FAM217B: variants seen among roughly 807,000 people sequenced by gnomAD.
FAM217B encodes protein FAM217B.
For synonymous variants in FAM217B, 163 were observed against 173.0 expected (o/e 0.94, Z 0.45); for missense variants, 463 against 456.9 (o/e 1.01, Z -0.12).
Position 59,947,837 on chromosome 20 carries a change from A to G in FAM217B, c.*2742A>G, listed in dbSNP as rs1307699917. On this transcript the variant is annotated 3_prime_UTR_variant, in exon 4 of 4. Coordinates refer to ENST00000360816, the MANE Select transcript of FAM217B (RefSeq NM_022106.3). ...CATCTTAATGCATTAAATGCTGCAG[A>G]TAAGAATCTTGCTATTTTTCAAGTA... 1.2e-5 allele frequency: 2 copies of G among 167,072 alleles called. No individual in the cohort carries two copies. Among genetic ancestry groups the G allele is most frequent in the African/African-American group, 2.4e-5 (1 of 41,472 alleles). The allele number at this position is 167,072 out of a possible 1,614,324, so 10.3% of individuals were successfully genotyped here.
chr20:59,943,926 T>C lies in FAM217B; in HGVS notation c.-4-14T>C. On this transcript the variant is annotated splice_polypyrimidine_tract_variant and intron_variant, in intron 3 of 3. Transcript: ENST00000360816. ...GTCATATGTGGTAAGAATTGCAGTT[T>C]TATTTTCTCACAGCAATATGAATGC... The C allele has an allele frequency of 6.4e-7, 1 of 1,560,338 alleles. No individual in the cohort carries two copies. The highest frequency in any genetic ancestry group is 8.7e-7 in the Non-Finnish European group (1 of 1,155,682).
upstream of FAM217B, chr20:59,938,715 CTTGGGCCT>C (rs537818398): frequency 3.8e-5 from 10 of 262,972 alleles, no homozygotes; most frequent in Non-Finnish European, 6.4e-5. Context: ...AGCAGGAGGA[CTTGGGCCT>C]TTGCAAAACA....
chr20:59,940,182 C>T (rs921538543), upstream of FAM217B: 1 of 378,950 alleles, frequency 2.6e-6, no homozygotes, highest in East Asian at 4.0e-5. Flanking sequence ...CTTTCAGAGG[C>T]CTCCCGGGAG....
Position 59,945,225 on chromosome 20 carries a change from TC to T in FAM217B, c.*132del. On this transcript the variant is annotated 3_prime_UTR_variant, in exon 4 of 4. Coordinates refer to ENST00000360816, the MANE Select transcript of FAM217B (RefSeq NM_022106.3). ...TTTAAGTAGTTGACTGGCATTTTTG[TC>T]CACCTTTATTTCTACCCTGAGTGGG... The T allele has an allele frequency of 1.3e-6, 1 of 793,518 alleles. No homozygotes were observed. Among genetic ancestry groups the T allele is most frequent in the South Asian group, 2.0e-5 (1 of 49,104 alleles). The allele number at this position is 793,518 out of a possible 1,614,324, so 49.2% of individuals were successfully genotyped here. A position where few individuals can be genotyped will look rare whatever the true frequency, so the allele number is the denominator to read the frequency against.
At chr20:59,940,220 T>G (rs2060892774), upstream of FAM217B, 1 of 299,214 alleles carries the variant, frequency 3.3e-6, no homozygotes, top group Non-Finnish European at 6.5e-6. Flanking sequence ...TTTTTCTTCT[T>G]GCTTCCTTGG....
In FAM217B at chr20:59,945,026, T is replaced by C. The variant is rs778396942; in HGVS notation, c.1083T>C (p.His361=). 9.3e-6 allele frequency: 15 copies of C among 1,612,982 alleles called. No individual in the cohort carries two copies. The highest frequency in any genetic ancestry group is 1.3e-5 in the Non-Finnish European group (15 of 1,179,692). Reference sequence around the variant, plus strand: ...AGGGAAAGGCAGAGAGCTGTGGTCATGCCACTGTATCGAGTGAGAAAAAAC... The same window carrying C: ...AGGGAAAGGCAGAGAGCTGTGGTCACGCCACTGTATCGAGTGAGAAAAAAC... ...RKKGKAESCG[H]ATVSSEKKLK... The change falls in exon 4 of 4, where the codon CAT becomes CAC. Residue 361 remains histidine, a synonymous_variant. Coordinates refer to ENST00000360816, the MANE Select transcript of FAM217B (RefSeq NM_022106.3).
Position 59,944,461 on chromosome 20 carries a change from G to A in FAM217B, c.518G>A (p.Arg173Gln), listed in dbSNP as rs763687553. Residue 173 changes from arginine (R) to glutamine (Q), a missense_variant, in exon 4 of 4, where the codon CGA (arginine) becomes CAA (glutamine). Coordinates refer to ENST00000360816, the MANE Select transcript of FAM217B (RefSeq NM_022106.3). ...GAGAACAAAACGGAAGCCGTGCCCC[G>A]AGTGGGAGGACTTCTTGGGAAGTAT... is the stretch of plus-strand genomic sequence containing the variant. ...NAENKTEAVP[R>Q]VGGLLGKYID... The A allele has an allele frequency of 2.2e-5, 36 of 1,613,796 alleles. No individual in the cohort carries two copies. The Admixed American group carries it at 2.3e-4, about 10-fold the overall frequency.
At chr20:59,939,323 C>T, upstream of FAM217B, 3 of 1,611,938 alleles carry the variant, frequency 1.9e-6, no homozygotes, top group Non-Finnish European at 2.5e-6. Flanking sequence ...GCACAGCCAC[C>T]TGCTTCTCGA....
chr20:59,935,348 C>T (rs1305856375), intron 1 of FAM217B, among the ~76,000 whole-genome samples: 2 of 151,680 alleles, frequency 1.3e-5, no homozygotes, highest in African/African-American at 2.4e-5. Flanking sequence ...AGGAAGCCTG[C>T]GGATTATTTA....
rs768884149 is a variant in FAM217B, at chr20:59,945,050, A to T, written c.1107A>T (p.Lys369Asn). The change falls in exon 4 of 4, where the codon AAA (lysine) becomes AAT (asparagine). Residue 369 changes from lysine (K) to asparagine (N), a missense_variant. Physicochemically the swap from Lys to Asn is moderately conservative, Grantham distance 94. Transcript: ENST00000360816. The stretch of plus-strand genomic sequence containing the variant: ...ATGCCACTGTATCGAGTGAGAAAAA[A>T]CTGAAAACAAACGGAGTAAAGCAAA... ...CGHATVSSEK[K>N]LKTNGVKQNT... The T allele has an allele frequency of 1.2e-6, 2 of 1,603,604 alleles. No individual in the cohort carries two copies. Among genetic ancestry groups the T allele is most frequent in the Non-Finnish European group, 1.7e-6 (2 of 1,177,268 alleles).
At chr20:59,939,670 C>A, upstream of FAM217B, 1 of 1,462,798 alleles carries the variant, frequency 6.8e-7, no homozygotes, top group Non-Finnish European at 9.0e-7. Flanking sequence ...GCGCCCGGCG[C>A]GCCCGCGGCC....
At position 59,945,370 on chromosome 20, in the gene FAM217B, G is replaced by A; in HGVS notation, c.*275G>A. On this transcript the variant is annotated 3_prime_UTR_variant, in exon 4 of 4. Transcript: ENST00000360816. ...TATGTGCCATATAAAGGAATAAAATGGCACCTCTCCAGGGAAAGTGTCAGT... is the reference window on the plus strand; with the variant it reads ...TATGTGCCATATAAAGGAATAAAATAGCACCTCTCCAGGGAAAGTGTCAGT... The A allele has an allele frequency of 3.3e-6, 1 of 302,594 alleles. No individual in the cohort carries two copies. The highest frequency in any genetic ancestry group is 2.2e-5 in the African/African-American group (1 of 44,968). 18.7% of individuals were successfully genotyped at this position (302,594 alleles called of 1,614,324 possible). A position where few individuals can be genotyped will look rare whatever the true frequency, so the allele number is the denominator to read the frequency against.
At chr20:59,938,946 A>T (rs2060878232), upstream of FAM217B, 1 of 1,330,616 alleles carries the variant, frequency 7.5e-7, no homozygotes, top group Non-Finnish European at 9.9e-7. Context: ...GTGAAGAACA[A>T]CCAGATAGAT....
upstream of FAM217B, chr20:59,940,212 TTTC>T (rs554088216): frequency 6.3e-4 from 204 of 322,918 alleles, 1 homozygote; most frequent in African/African-American, 4.0e-3. Context: ...GCGCCTCTTT[TTTC>T]TTCTTGCTTC....
rs754565985 is a variant in FAM217B at position 59,944,309 on chromosome 20, T to C, written c.366T>C (p.Ile122=). Reference sequence around the variant, plus strand: ...ATCTCAATCTTCGAGCTGAAGAAATTGATCCAGTTTACTTTGATCTTCACC... The same window carrying C: ...ATCTCAATCTTCGAGCTGAAGAAATCGATCCAGTTTACTTTGATCTTCACC... The part of the protein sequence containing the change: ...PPDLNLRAEE[I]DPVYFDLHPG... Residue 122 remains isoleucine, a synonymous_variant, in exon 4 of 4, where the codon ATT becomes ATC. Coordinates refer to ENST00000360816, the MANE Select transcript of FAM217B (RefSeq NM_022106.3). The C allele has an allele frequency of 4.3e-6, 7 of 1,613,986 alleles. No individual in the cohort carries two copies. In the South Asian group the frequency reaches 7.7e-5, roughly 18 times the overall value.
At chr20:59,939,441 T>A, upstream of FAM217B, 1 of 1,611,568 alleles carries the variant, frequency 6.2e-7, no homozygotes, top group Non-Finnish European at 8.5e-7. Context: ...GTCGGCGGCC[T>A]CGACGGGCGG....
intron 1 of FAM217B, among the ~76,000 whole-genome samples, chr20:59,935,167 A>C (rs564266648): frequency 6.6e-6 from 1 of 152,338 alleles, no homozygotes; most frequent in East Asian, 1.9e-4. Context: ...AATTTTGCAT[A>C]ATTATTTTCA....
rs935077463 is a variant in FAM217B at position 59,947,540 on chromosome 20, C to T, written c.*2445C>T. On this transcript the variant is annotated 3_prime_UTR_variant, in exon 4 of 4. Transcript: ENST00000360816. ...GAAAAAGAAAGAAATTGAGAAGTAACGCCTCATAATATTTGTTCCCAGCTT... is the reference window on the plus strand; with the variant it reads ...GAAAAAGAAAGAAATTGAGAAGTAATGCCTCATAATATTTGTTCCCAGCTT... 2 of 166,868 alleles carry T rather than the reference C, an allele frequency of 1.2e-5. No homozygotes were observed. The highest frequency in any genetic ancestry group is 4.8e-5 in the African/African-American group (2 of 41,394). 10.3% of individuals were successfully genotyped at this position (166,868 alleles called of 1,614,324 possible). A position where few individuals can be genotyped will look rare whatever the true frequency, so the allele number is the denominator to read the frequency against.
Position 59,944,002 on chromosome 20 carries a change from G to A in FAM217B, c.59G>A (p.Arg20Lys). ...VQHSKNSSGK[R>K]QSKSQVPHAS... ...CATTCAAAGAATTCTTCAGGAAAAA[G>A]GCAGAGTAAATCCCAAGTACCCCAC... Residue 20 changes from arginine to lysine, a missense_variant, in exon 4 of 4, where the codon AGG becomes AAG. Transcript: ENST00000360816. The A allele has an allele frequency of 6.2e-7, 1 of 1,613,474 alleles. No individual in the cohort carries two copies. The highest frequency in any genetic ancestry group is 8.5e-7 in the Non-Finnish European group (1 of 1,179,864).
Sources: gnomAD v4.1 joint callset for allele counts (sites outside exome capture counted in the v4.1 genomes callset) on GRCh38, gnomAD v4.1.1 for gene constraint, MANE v1.5 for transcripts, NCBI Gene and HGNC (gene_info 2026-07-23, HGNC 2026-07-21) for gene names.